The following BRD10 variants were observed in gnomAD, a reference collection of about 807,000 sequenced individuals.
BRD10 encodes uncharacterized bromodomain-containing protein 10.
the BRD10 span, among the ~76,000 whole-genome samples, chr9:5,974,132 A>G: frequency 5.9e-5 from 9 of 152,240 alleles, no homozygotes; most frequent in East Asian, 1.7e-3. Flanking sequence ...AAAAATCTTA[A>G]AAGATGCAGA....
the BRD10 span, among the ~76,000 whole-genome samples, chr9:5,911,313 T>C: frequency 1.3e-5 from 2 of 152,054 alleles, no homozygotes; most frequent in African/African-American, 4.8e-5. Context: ...CTTTTCCCAA[T>C]GTATGTTCTT....
chr9:5,984,005 A>ACACACC, the BRD10 span, among the ~76,000 whole-genome samples: 1 of 145,088 alleles, frequency 6.9e-6, no homozygotes, highest in African/African-American at 2.6e-5. Flanking sequence ...ACACACACAC[A>ACACACC]CCCCTCTCCA....
the BRD10 span, among the ~76,000 whole-genome samples, chr9:5,979,947 G>A: frequency 2.7e-5 from 4 of 150,032 alleles, no homozygotes; most frequent in Admixed American, 6.6e-5. Flanking sequence ...CCTGGGAGGT[G>A]GAGGTTGCAG....
the BRD10 span, among the ~76,000 whole-genome samples, chr9:5,983,397 A>C: frequency 6.6e-6 from 1 of 152,192 alleles, no homozygotes; most frequent in African/African-American, 2.4e-5. Flanking sequence ...GACTCAACAA[A>C]GCAATGTTCA....
chr9:5,921,363 G>C, the BRD10 span: 1 of 1,613,958 alleles, frequency 6.2e-7, no homozygotes, highest in Non-Finnish European at 8.5e-7. Flanking sequence ...ATTTGGGGTT[G>C]CTCTGGAGTC....
the BRD10 span, among the ~76,000 whole-genome samples, chr9:6,000,890 C>T: frequency 6.6e-6 from 1 of 152,140 alleles, no homozygotes; most frequent in African/African-American, 2.4e-5. Flanking sequence ...TTTTACTAGA[C>T]TCTGTCCTGG....
chr9:5,910,518 C>T, the BRD10 span: 1 of 152,166 alleles, frequency 6.6e-6, no homozygotes, highest in Non-Finnish European at 1.5e-5. Context: ...TACCTCCTCC[C>T]CTCACCACGA....
chr9:5,887,533 T>C, the BRD10 span, among the ~76,000 whole-genome samples: 148,725 of 152,288 alleles, frequency 0.98, 72,737 homozygotes, highest in Non-Finnish European at 0.99. Flanking sequence ...ACCAGTCATA[T>C]ATGGGCCAGG....
chr9:5,966,513 G>A, the BRD10 span, among the ~76,000 whole-genome samples: 1 of 143,156 alleles, frequency 7.0e-6, no homozygotes, highest in African/African-American at 2.7e-5. Flanking sequence ...AGGCTGGGGT[G>A]CAGTGGCATG....
chr9:5,936,602 T>A, the BRD10 span, among the ~76,000 whole-genome samples: 4 of 152,200 alleles, frequency 2.6e-5, no homozygotes, highest in Non-Finnish European at 5.9e-5. Flanking sequence ...ATATGATGTA[T>A]AATTTTTTTC....
At chr9:5,985,161 T>C in the BRD10 span, among the ~76,000 whole-genome samples, 2 of 152,236 alleles carry the variant, frequency 1.3e-5, no homozygotes, top group Non-Finnish European at 1.5e-5. Flanking sequence ...GGTGAAAGAA[T>C]AGTTTTTGTT....
chr9:6,002,664 T>C, the BRD10 span, among the ~76,000 whole-genome samples: 7 of 151,860 alleles, frequency 4.6e-5, no homozygotes, highest in Non-Finnish European at 1.0e-4. Context: ...TTCAAATTTT[T>C]GAGCCTTCAT....
the BRD10 span, chr9:5,968,526 A>T: frequency 6.2e-7 from 1 of 1,613,204 alleles, no homozygotes; most frequent in South Asian, 1.1e-5. Flanking sequence ...CTAATTTCAT[A>T]GTTGGATTTT....
chr9:5,997,368 T>C, the BRD10 span, among the ~76,000 whole-genome samples: 2 of 152,186 alleles, frequency 1.3e-5, no homozygotes, highest in Non-Finnish European at 2.9e-5. Flanking sequence ...ACATGGGTGA[T>C]GCAAATGTTG....
chr9:6,004,188 C>T, the BRD10 span, among the ~76,000 whole-genome samples: 1 of 152,194 alleles, frequency 6.6e-6, no homozygotes, highest in Non-Finnish European at 1.5e-5. Context: ...CACATTCACC[C>T]CTTCCGCTTC....
the BRD10 span, among the ~76,000 whole-genome samples, chr9:5,895,298 A>C: frequency 6.6e-6 from 1 of 152,138 alleles, no homozygotes; most frequent in South Asian, 2.1e-4. Flanking sequence ...CCAATGTCAA[A>C]AGTCATTCCT....
chr9:5,923,203 T>C, the BRD10 span: 11 of 1,613,902 alleles, frequency 6.8e-6, no homozygotes, highest in Non-Finnish European at 8.5e-6. Flanking sequence ...TGGACTGTCG[T>C]TTAAGTGTTT....
At chr9:5,888,497 T>C in the BRD10 span, among the ~76,000 whole-genome samples, 2 of 152,234 alleles carry the variant, frequency 1.3e-5, no homozygotes, top group Admixed American at 1.3e-4. Context: ...AAAAAGCAAA[T>C]TCAAGTGATT....
At chr9:5,890,390 T>A in the BRD10 span, among the ~76,000 whole-genome samples, 4 of 152,218 alleles carry the variant, frequency 2.6e-5, no homozygotes, top group Non-Finnish European at 5.9e-5. Context: ...TGTTCATTGT[T>A]TATCTGAAGT....
Sources: allele counts gnomAD v4.1 joint callset (sites outside exome capture counted in the v4.1 genomes callset), GRCh38; gene constraint gnomAD v4.1.1; transcripts MANE v1.5; gene names NCBI Gene and HGNC (gene_info 2026-07-23, HGNC 2026-07-21).